Variants in ASIC4 observed in about 807,000 individuals in gnomAD.
ASIC4 encodes acid-sensing ion channel 4.
Under a neutral mutation model 53.4 loss-of-function variants are expected in ASIC4, and 28 were observed. The ratio of observed to expected loss-of-function variants is 0.52; its 90% confidence interval spans 0.39 to 0.72. ASIC4 has a LOEUF of 0.72. Ranked by LOEUF, ASIC4 falls within the 30% of genes least tolerant of loss-of-function variation. The pLI is 0.00. For synonymous variants in ASIC4, 289 were observed against 301.4 expected, an observed-to-expected ratio of 0.96 and a Z score of 0.43; for missense variants, 649 against 729.7, an observed-to-expected ratio of 0.89 and a Z score of 1.27.
chr2:219,508,702 G>C, the ASIC4 span, among the ~76,000 whole-genome samples: 1 of 151,702 alleles, frequency 6.6e-6, no homozygotes, highest in Admixed American at 6.6e-5. Context: ...GTCCACCGCT[G>C]CTGGGACCCT....
chr2:219,515,175 C>G lies in ASIC4; in HGVS notation c.451C>G (p.Arg151Gly), dbSNP rs771952448. 11 of 1,614,094 alleles carry G rather than the reference C, an allele frequency of 6.8e-6. No individual in the cohort carries two copies. The highest frequency in any genetic ancestry group is 9.3e-6 in the Non-Finnish European group (11 of 1,180,032). The change falls in exon 1 of 10, where the codon CGT becomes GGT. Residue 151 changes from arginine to glycine, a missense_variant. Transcript: ENST00000358078. Reference protein sequence around the residue: ...GLPPKDRDGHRAAGLRYPEPD... With the variant: ...GLPPKDRDGHGAAGLRYPEPD... ...GCCCCCCAAAGACCGGGATGGGCAC[C>G]GTGCGGCTGGCCTGCGCTACCCAGA...
intron 1 of ASIC4, among the ~76,000 whole-genome samples, chr2:219,519,005 T>C (rs981427213): frequency 1.3e-5 from 2 of 152,096 alleles, no homozygotes; most frequent in Non-Finnish European, 2.9e-5. Flanking sequence ...CCGGGGTTCA[T>C]GCCATTCTCT....
chr2:219,528,947 T>C (rs1694998994), intron 1 of ASIC4, among the ~76,000 whole-genome samples: 1 of 152,190 alleles, frequency 6.6e-6, no homozygotes, highest in Non-Finnish European at 1.5e-5. Flanking sequence ...GTTCTCCTCC[T>C]TTACCTAGTG....
At position 219,537,248 on chromosome 2, in the gene ASIC4, T is replaced by C; in HGVS notation, c.1328T>C (p.Leu443Pro). 6.2e-7 allele frequency: 1 copy of C among 1,613,570 alleles called. No homozygotes were observed. The highest frequency in any genetic ancestry group is 1.1e-5 in the South Asian group (1 of 90,986). Residue 443 changes from leucine (L) to proline (P), a missense_variant, in exon 8 of 10, where the codon CTC becomes CCC. Leu to Pro is a moderately conservative substitution (Grantham distance 98, BLOSUM62 -3). Transcript: ENST00000358078. The surrounding 1 kb of genome is among the most constrained non-coding windows in gnomAD (Gnocchi z 4.9). ...CTGCTCTCCTGCTTCCCAGGAGACC[T>C]CGGGGGACAGATGGGCCTGTTCATT... The part of the protein sequence containing the change: ...AYGLSALLGD[L>P]GGQMGLFIGA...
rs999553198 is a variant in ASIC4, at chr2:219,518,095, A to G, written c.582+2789A>G. On this transcript the variant is annotated intron_variant, in intron 1 of 9. Coordinates refer to ENST00000358078, the MANE Select transcript of ASIC4 (RefSeq NM_018674.6). The surrounding 1 kb of genome is among the most constrained non-coding windows in gnomAD (Gnocchi z 4.8). ...TCATGCACTCCCAATCAGTCAGTCA[A>G]TCAATCAACATGGAGTTCTGGGTGC... is the stretch of plus-strand genomic sequence containing the variant. 6.6e-6 allele frequency among the ~76,000 whole-genome samples: 1 copy of G among 152,028 alleles called. No homozygotes were observed. Among genetic ancestry groups the G allele is most frequent in the Non-Finnish European group, 1.5e-5 (1 of 68,002 alleles).
At chr2:219,530,920 C>T (rs184325647) in intron 1 of ASIC4, among the ~76,000 whole-genome samples, 242 of 152,282 alleles carry the variant, frequency 1.6e-3, no homozygotes, top group African/African-American at 5.7e-3. Flanking sequence ...GATCTGAGCA[C>T]TGTGGACTGG....
At chr2:219,534,005 G>T (rs4674409) in intron 5 of ASIC4, 97,282 of 140,182 alleles carry the variant, frequency 0.69, 34,030 homozygotes, top group East Asian at 0.83. Flanking sequence ...TTGCACTCTA[G>T]TCTGAGCTAC....
intron 1 of ASIC4, among the ~76,000 whole-genome samples, chr2:219,515,770 C>T (rs963149639): frequency 6.6e-6 from 1 of 152,200 alleles, no homozygotes; most frequent in Non-Finnish European, 1.5e-5. Flanking sequence ...TAGGGAAGGA[C>T]CCCGGGTGGC....
chr2:219,535,873 A>T (rs1178465819), intron 6 of ASIC4, among the ~76,000 whole-genome samples: 1 of 151,548 alleles, frequency 6.6e-6, no homozygotes, highest in African/African-American at 2.4e-5. Context: ...CCCAGGTTCA[A>T]GCGATTCTTC....
chr2:219,522,266 G>C (rs999576809), intron 1 of ASIC4, among the ~76,000 whole-genome samples: 2 of 152,208 alleles, frequency 1.3e-5, no homozygotes, highest in Non-Finnish European at 2.9e-5. Context: ...AAAGATTAAA[G>C]GAGCTAAATC....
upstream of ASIC4, among the ~76,000 whole-genome samples, chr2:219,511,981 C>T (rs749585217): frequency 3.3e-5 from 5 of 151,534 alleles, no homozygotes; most frequent in African/African-American, 4.9e-5. The surrounding 1 kb of genome is among the most constrained non-coding windows in gnomAD (Gnocchi z 5.3). Flanking sequence ...TGGTGAGAAG[C>T]GGAGGGAAAG....
At chr2:219,526,967 C>T (rs1694970986) in intron 1 of ASIC4, among the ~76,000 whole-genome samples, 2 of 152,286 alleles carry the variant, frequency 1.3e-5, no homozygotes, top group South Asian at 4.1e-4. Context: ...TGGAGATAGC[C>T]CCTCTGCCAT....
At chr2:219,523,381 C>T (rs551619097) in intron 1 of ASIC4, among the ~76,000 whole-genome samples, 15 of 152,344 alleles carry the variant, frequency 9.8e-5, no homozygotes, top group Admixed American at 3.9e-4. Context: ...CCACGGCCCC[C>T]AGCCCTCCCT....
At chr2:219,512,600 G>T (rs969366527), upstream of ASIC4, among the ~76,000 whole-genome samples, 1 of 152,186 alleles carries the variant, frequency 6.6e-6, no homozygotes, top group Non-Finnish European at 1.5e-5. Context: ...GGAGGCGGCT[G>T]CCTGGGCATG....
In ASIC4 at chr2:219,537,874, G is replaced by A. The variant is rs1034358676; in HGVS notation, c.1507-59G>A. ...TGACAAGGAAAGGCTGGCGGTGTGAGCCCTGGGGGCACCACTTGAGCTCTC... is the reference window on the plus strand; with the variant it reads ...TGACAAGGAAAGGCTGGCGGTGTGAACCCTGGGGGCACCACTTGAGCTCTC... On this transcript the variant is annotated intron_variant, in intron 9 of 9. Coordinates refer to ENST00000358078, the MANE Select transcript of ASIC4 (RefSeq NM_018674.6). This position sits in a 1 kb window ranked among gnomAD's most constrained non-coding sequence, Gnocchi z 4.9. 2.0e-6 allele frequency: 3 copies of A among 1,503,108 alleles called. No homozygotes were observed. The highest frequency in any genetic ancestry group is 1.9e-5 in the Admixed American group (1 of 51,948). 93.1% of individuals were successfully genotyped at this position (1,503,108 alleles called of 1,614,324 possible). A position where few individuals can be genotyped will look rare whatever the true frequency, so the allele number is the denominator to read the frequency against.
rs1315265379 is a variant in ASIC4, at chr2:219,516,850, G to A, written c.582+1544G>A. 6.6e-6 allele frequency: 1 copy of A among 152,422 alleles called. No homozygotes were observed. Among genetic ancestry groups the A allele is most frequent in the African/African-American group, 2.4e-5 (1 of 41,462 alleles). The allele number at this position is 152,422 out of a possible 1,614,324, so 9.4% of individuals were successfully genotyped here. A position where few individuals can be genotyped will look rare whatever the true frequency, so the allele number is the denominator to read the frequency against. ...GAGCATTGTGCAGGGAGAAGAGTCG[G>A]GGGCATTGGCCTGTTGTCCGGCTGT... On this transcript the variant is annotated intron_variant, in intron 1 of 9. Coordinates refer to ENST00000358078, the MANE Select transcript of ASIC4 (RefSeq NM_018674.6). This position sits in a 1 kb window ranked among gnomAD's most constrained non-coding sequence, Gnocchi z 4.9.
rs1694833707 is a variant in ASIC4, at chr2:219,518,564, C to T, written c.582+3258C>T. On this transcript the variant is annotated intron_variant, in intron 1 of 9. Coordinates refer to ENST00000358078, the MANE Select transcript of ASIC4 (RefSeq NM_018674.6). This position sits in a 1 kb window ranked among gnomAD's most constrained non-coding sequence, Gnocchi z 4.8. Reference sequence around the variant, plus strand: ...TCAGTCTCATACCATCTCACTCCCGCCCATTCTACCACCTGTATGTCCCCC... The same window carrying T: ...TCAGTCTCATACCATCTCACTCCCGTCCATTCTACCACCTGTATGTCCCCC... Among the ~76,000 whole-genome samples, 1 of 151,984 alleles carries T rather than the reference C, an allele frequency of 6.6e-6. No homozygotes were observed. Among genetic ancestry groups the T allele is most frequent in the Admixed American group, 6.6e-5 (1 of 15,260 alleles).
Position 219,516,534 on chromosome 2 carries a change from C to T in ASIC4, c.582+1228C>T, listed in dbSNP as rs1280283489. Among the ~76,000 whole-genome samples, 1 of 152,062 alleles carries T rather than the reference C, an allele frequency of 6.6e-6. No individual in the cohort carries two copies. The highest frequency in any genetic ancestry group is 1.5e-5 in the Non-Finnish European group (1 of 68,004). ...GCGCTCGAGATGCTTGTCCCTAGTCCACAGTTTGCTCCCAGCATTGTGTGT... is the reference window on the plus strand; with the variant it reads ...GCGCTCGAGATGCTTGTCCCTAGTCTACAGTTTGCTCCCAGCATTGTGTGT... On this transcript the variant is annotated intron_variant, in intron 1 of 9. Transcript: ENST00000358078. The surrounding 1 kb of genome is among the most constrained non-coding windows in gnomAD (Gnocchi z 4.9).
chr2:219,534,318 A>G (rs1429926793), intron 5 of ASIC4, among the ~76,000 whole-genome samples: 2 of 152,254 alleles, frequency 1.3e-5, no homozygotes, highest in Non-Finnish European at 2.9e-5. Context: ...ATATGTGATC[A>G]GGAGTAAGGT....
Sources: gnomAD v4.1 joint callset for allele counts (sites outside exome capture counted in the v4.1 genomes callset) on GRCh38, gnomAD v4.1.1 for gene constraint, Gnocchi (gnomAD v3.1) non-coding constraint, MANE v1.5 for transcripts, NCBI Gene and HGNC (gene_info 2026-07-23, HGNC 2026-07-21) for gene names.